Variants in CCSER1 observed in about 807,000 individuals in gnomAD.
CCSER1 encodes the protein serine-rich coiled-coil domain-containing protein 1.
A neutral mutation model predicts 82.0 loss-of-function variants in CCSER1; 41 were observed. The ratio of observed to expected loss-of-function variants is 0.50; its 90% CI spans 0.39 to 0.65. CCSER1 has a LOEUF of 0.65. CCSER1 is among the 30% of genes least tolerant of loss of function. The probability of loss-of-function intolerance (pLI) is 0.00; values close to 1 mark genes in which losing one functional copy is unlikely to be tolerated. For missense variants in CCSER1, 1,119 were observed against 1,064.2 expected, an observed-to-expected ratio of 1.05 and a Z score of -0.72; for synonymous variants, 414 against 383.9, an observed-to-expected ratio of 1.08 and a Z score of -0.92.
intron 10 of CCSER1, among the ~76,000 whole-genome samples, chr4:91,374,871 C>A (rs1475603538): frequency 1.3e-5 from 2 of 152,116 alleles, no homozygotes; most frequent in African/African-American, 2.4e-5. Context: ...TGGTGCACAC[C>A]TGTAGTACCA....
intron 8 of CCSER1, among the ~76,000 whole-genome samples, chr4:90,824,714 C>T (rs922317477): frequency 6.6e-6 from 1 of 152,034 alleles, no homozygotes; most frequent in African/African-American, 2.4e-5. Context: ...TCATGCTAGT[C>T]ATTTTAGAAT....
intron 1 of CCSER1, among the ~76,000 whole-genome samples, chr4:90,221,685 A>G (rs1742179573): frequency 6.6e-6 from 1 of 152,182 alleles, no homozygotes; most frequent in Non-Finnish European, 1.5e-5. Context: ...TGAGTCTTTA[A>G]TAACATCTAC....
chr4:91,122,902 C>A (rs1481206172), intron 10 of CCSER1, among the ~76,000 whole-genome samples: 3 of 151,642 alleles, frequency 2.0e-5, no homozygotes, highest in Non-Finnish European at 4.4e-5. Context: ...TAACATCTTA[C>A]AATGTATAAT....
intron 10 of CCSER1, among the ~76,000 whole-genome samples, chr4:91,383,176 C>A (rs1191011304): frequency 1.3e-5 from 2 of 152,080 alleles, no homozygotes; most frequent in Non-Finnish European, 2.9e-5. Flanking sequence ...CAGTCATCAG[C>A]TACCAAACCT....
chr4:90,783,121 T>C (rs1396048655), intron 7 of CCSER1, among the ~76,000 whole-genome samples: 1 of 152,166 alleles, frequency 6.6e-6, no homozygotes, highest in Non-Finnish European at 1.5e-5. Flanking sequence ...TTTCTATTTT[T>C]AGTAGAGATG....
intron 2 of CCSER1, among the ~76,000 whole-genome samples, chr4:90,312,092 A>C (rs1735383970): frequency 6.6e-6 from 1 of 152,234 alleles, no homozygotes; most frequent in African/African-American, 2.4e-5. Context: ...ACCCAAGGTA[A>C]CATATTGGTA....
chr4:91,247,875 A>G (rs72669302), intron 10 of CCSER1, among the ~76,000 whole-genome samples: 1,654 of 152,214 alleles, frequency 0.011, 12 homozygotes, highest in Non-Finnish European at 0.018. Flanking sequence ...CTCAAAAAAA[A>G]CAACAACAGA....
intron 10 of CCSER1, among the ~76,000 whole-genome samples, chr4:91,114,934 C>G (rs1255945944): frequency 6.6e-6 from 1 of 152,136 alleles, no homozygotes; most frequent in Non-Finnish European, 1.5e-5. Flanking sequence ...GTCATGGAAA[C>G]AGTTTATCTC....
chr4:90,407,955 C>G (rs532236122), intron 4 of CCSER1, among the ~76,000 whole-genome samples: 2 of 152,136 alleles, frequency 1.3e-5, no homozygotes, highest in African/African-American at 4.8e-5. Flanking sequence ...ACTTTTCCAA[C>G]GGGCCTAACA....
At chr4:91,419,393 T>G (rs1753568658) in intron 10 of CCSER1, among the ~76,000 whole-genome samples, 1 of 151,988 alleles carries the variant, frequency 6.6e-6, no homozygotes. Flanking sequence ...GATTCAATAT[T>G]AAAATTCAAT....
At chr4:90,610,483 G>A (rs902141922) in intron 5 of CCSER1, among the ~76,000 whole-genome samples, 8 of 152,016 alleles carry the variant, frequency 5.3e-5, no homozygotes, top group Admixed American at 2.0e-4. Context: ...ATTCATACAC[G>A]TATAAATAGA....
intron 5 of CCSER1, among the ~76,000 whole-genome samples, chr4:90,617,489 A>G (rs1052198561): frequency 2.0e-5 from 3 of 152,208 alleles, no homozygotes; most frequent in Non-Finnish European, 4.4e-5. Context: ...TTCAGCATAG[A>G]AATAAAGAAA....
chr4:90,625,373 A>G (rs936787922), intron 5 of CCSER1, among the ~76,000 whole-genome samples: 2 of 152,190 alleles, frequency 1.3e-5, no homozygotes, highest in Non-Finnish European at 2.9e-5. Context: ...ACTGTAAACC[A>G]TGGGCACCAA....
At chr4:90,900,944 T>TATAC in intron 8 of CCSER1, among the ~76,000 whole-genome samples, 2 of 152,074 alleles carry the variant, frequency 1.3e-5, no homozygotes, top group Non-Finnish European at 2.9e-5. Flanking sequence ...CTAGTAGTAT[T>TATAC]TGTTCTATAA....
At chr4:90,128,187 C>T (rs944074166) in intron 1 of CCSER1, among the ~76,000 whole-genome samples, 4 of 152,142 alleles carry the variant, frequency 2.6e-5, no homozygotes, top group African/African-American at 9.7e-5. Context: ...GGCTTCGGGT[C>T]GCTCCCCTTC....
At chr4:91,416,581 C>T (rs1753376892) in intron 10 of CCSER1, among the ~76,000 whole-genome samples, 1 of 152,110 alleles carries the variant, frequency 6.6e-6, no homozygotes, top group Non-Finnish European at 1.5e-5. Context: ...TTCGACAAAC[C>T]TGACAAAAAC....
intron 5 of CCSER1, among the ~76,000 whole-genome samples, chr4:90,501,999 C>A (rs1327766077): frequency 2.0e-5 from 3 of 152,060 alleles, no homozygotes; most frequent in Admixed American, 6.6e-5. Context: ...ACAATCCAGA[C>A]ACAAAACTCT....
At chr4:90,426,306 A>G (rs1757521166) in intron 4 of CCSER1, among the ~76,000 whole-genome samples, 1 of 152,216 alleles carries the variant, frequency 6.6e-6, no homozygotes, top group Admixed American at 6.5e-5. Flanking sequence ...TATTTGAAGT[A>G]TTAATATTTG....
chr4:90,562,748 C>G (rs993029102), intron 5 of CCSER1, among the ~76,000 whole-genome samples: 1 of 151,218 alleles, frequency 6.6e-6, no homozygotes, highest in Non-Finnish European at 1.5e-5. Context: ...ATGTTCCCCA[C>G]GCTCGTCTCA....
Sources: allele counts gnomAD v4.1 joint callset (sites outside exome capture counted in the v4.1 genomes callset), GRCh38; gene constraint gnomAD v4.1.1; transcripts MANE v1.5; gene names NCBI Gene and HGNC (gene_info 2026-07-23, HGNC 2026-07-21).